HPSE2: variants seen among roughly 807,000 people sequenced by gnomAD.
HPSE2 encodes the protein heparanase 2 (inactive), also known as inactive heparanase-2.
Under a neutral mutation model 60.5 loss-of-function variants are expected in HPSE2, and 38 were observed. The ratio of observed to expected loss-of-function variants is 0.63; its 90% CI spans 0.48 to 0.82. The LOEUF (loss-of-function observed/expected upper bound fraction) is 0.82, where lower values mean the gene tolerates loss of function less well. HPSE2 is among the 40% of genes least tolerant of loss of function. The pLI, the probability that HPSE2 is intolerant of heterozygous loss-of-function variation, is 0.00. For missense variants in HPSE2, 713 were observed against 740.4 expected (o/e 0.96, Z 0.43); for synonymous variants, 295 against 293.2 (o/e 1.01, Z -0.06).
At chr10:99,022,984 G>A (rs544153738) in intron 3 of HPSE2, among the ~76,000 whole-genome samples, 6 of 152,172 alleles carry the variant, frequency 3.9e-5, no homozygotes, top group African/African-American at 9.6e-5. Flanking sequence ...AAGTAAAGGC[G>A]GCTTTGTCTT....
intron 7 of HPSE2, among the ~76,000 whole-genome samples, chr10:98,625,568 G>T (rs1394916234): frequency 6.6e-6 from 1 of 152,158 alleles, no homozygotes; most frequent in African/African-American, 2.4e-5. Flanking sequence ...ATCACTTGAG[G>T]ATGTTTGCTG....
At chr10:98,933,783 G>C (rs1954710010) in intron 3 of HPSE2, among the ~76,000 whole-genome samples, 1 of 140,422 alleles carries the variant, frequency 7.1e-6, no homozygotes, top group Admixed American at 7.1e-5. Context: ...CCAGGCTGGA[G>C]TGCAACAGTG....
At chr10:99,293,630 T>G in the HPSE2 span, among the ~76,000 whole-genome samples, 2 of 152,174 alleles carry the variant, frequency 1.3e-5, no homozygotes, top group Admixed American at 1.3e-4. Flanking sequence ...CTGCCAGTTT[T>G]AAAAGAAAAC....
At chr10:98,609,873 A>C (rs1229492129) in intron 9 of HPSE2, among the ~76,000 whole-genome samples, 6 of 125,862 alleles carry the variant, frequency 4.8e-5, no homozygotes, top group African/African-American at 1.9e-4. Context: ...ACAGAGTCTC[A>C]CTCTGTCGCC....
At chr10:98,974,093 C>A (rs757642444) in intron 3 of HPSE2, among the ~76,000 whole-genome samples, 6 of 151,880 alleles carry the variant, frequency 4.0e-5, no homozygotes, top group Non-Finnish European at 7.4e-5. Context: ...AAGTTTGAGA[C>A]CAGCCTGGCC....
chr10:99,235,485 A>C (rs1471562938), intron 1 of HPSE2, 28 bp downstream of exon 1: 1 of 1,612,592 alleles, frequency 6.2e-7, no homozygotes, highest in Non-Finnish European at 8.5e-7. Context: ...AAAAAATTTT[A>C]AATGATCCAT....
intron 3 of HPSE2, among the ~76,000 whole-genome samples, chr10:98,871,877 A>ATAGAAGT (rs961810456): frequency 2.7e-4 from 41 of 152,184 alleles, no homozygotes; most frequent in African/African-American, 9.9e-4. Flanking sequence ...AGCCTCAGCA[A>ATAGAAGT]TAGAAGTTGA....
chr10:98,779,127 C>T (rs1167663337), intron 3 of HPSE2, among the ~76,000 whole-genome samples: 1 of 152,060 alleles, frequency 6.6e-6, no homozygotes, highest in African/African-American at 2.4e-5. Flanking sequence ...AGAAGACAGG[C>T]TCAGAGTCTG....
intron 3 of HPSE2, among the ~76,000 whole-genome samples, chr10:99,081,259 CAT>C (rs1843126645): frequency 6.6e-6 from 1 of 152,182 alleles, no homozygotes; most frequent in Admixed American, 6.5e-5. Context: ...TGTGGTTCCA[CAT>C]ATAAGTTAAA....
chr10:99,096,106 T>C (rs985459851), intron 3 of HPSE2, among the ~76,000 whole-genome samples: 2 of 152,204 alleles, frequency 1.3e-5, no homozygotes, highest in African/African-American at 2.4e-5. Context: ...AGTTCATATA[T>C]TCCTTTTCAA....
At chr10:98,519,129 G>A (rs1249056408) in intron 9 of HPSE2, among the ~76,000 whole-genome samples, 4 of 152,196 alleles carry the variant, frequency 2.6e-5, no homozygotes, top group Admixed American at 2.6e-4. Context: ...CTAGGAGCAA[G>A]GCCCTACATT....
At chr10:99,115,464 T>G (rs1402697085) in intron 3 of HPSE2, among the ~76,000 whole-genome samples, 1 of 152,004 alleles carries the variant, frequency 6.6e-6, no homozygotes, top group East Asian at 1.9e-4. Context: ...AATTTTTTTT[T>G]TTTTATTTTT....
At position 99,079,543 on chromosome 10, in the gene HPSE2, G is replaced by C. The variant is rs568818865; in HGVS notation, c.610+64695C>G. Among the ~76,000 whole-genome samples the C allele has an allele frequency of 2.6e-5, 4 of 152,260 alleles. No homozygotes were observed. In the East Asian group the frequency reaches 7.8e-4, roughly 30 times the overall value. On this transcript the variant is annotated intron_variant, in intron 3 of 11. Coordinates refer to ENST00000370552, the MANE Select transcript of HPSE2 (RefSeq NM_021828.5). ...TATTCACCTATTCACTCTGTGCTGA[G>C]CTGGGATTGGGGGTTATGGTAAACG... is the stretch of plus-strand genomic sequence containing the variant.
chr10:98,632,745 CA>C (rs1436316709), intron 7 of HPSE2, among the ~76,000 whole-genome samples: 1 of 152,070 alleles, frequency 6.6e-6, no homozygotes, highest in Non-Finnish European at 1.5e-5. Context: ...TTCATATGGT[CA>C]AATATTTACA....
At chr10:99,297,905 C>T in the HPSE2 span, among the ~76,000 whole-genome samples, 1 of 152,162 alleles carries the variant, frequency 6.6e-6, no homozygotes, top group Non-Finnish European at 1.5e-5. Flanking sequence ...TAGCCGCTCC[C>T]CCAGGCGAAT....
intron 3 of HPSE2, among the ~76,000 whole-genome samples, chr10:98,914,430 T>C (rs1213643715): frequency 6.6e-6 from 1 of 151,884 alleles, no homozygotes; most frequent in Non-Finnish European, 1.5e-5. Context: ...TAAAAAACAC[T>C]ATGAATTTCT....
chr10:98,613,502 G>A (rs1475699591), intron 9 of HPSE2, among the ~76,000 whole-genome samples: 1 of 152,210 alleles, frequency 6.6e-6, no homozygotes, highest in Admixed American at 6.5e-5. Flanking sequence ...ATTGAGACGT[G>A]GAACTGGTGC....
intron 9 of HPSE2, among the ~76,000 whole-genome samples, chr10:98,577,943 T>C (rs1944687389): frequency 6.6e-6 from 1 of 152,216 alleles, no homozygotes; most frequent in Middle Eastern, 3.2e-3. Context: ...AATTCTTTCA[T>C]TATTTGATAA....
At chr10:98,461,769 G>C (rs1008595295) in intron 11 of HPSE2, 2 of 1,584,204 alleles carry the variant, frequency 1.3e-6, no homozygotes, top group Non-Finnish European at 1.7e-6. Flanking sequence ...GAAGAATTAG[G>C]TAATGCCCTT....
Sources: gnomAD v4.1 joint callset for allele counts (sites outside exome capture counted in the v4.1 genomes callset) on GRCh38, gnomAD v4.1.1 for gene constraint, MANE v1.5 for transcripts, NCBI Gene and HGNC (gene_info 2026-07-23, HGNC 2026-07-21) for gene names.